Variants in LIMCH1 observed in about 807,000 individuals in gnomAD.
LIMCH1 encodes LIM and calponin homology domains 1.
Under a neutral mutation model 176.5 loss-of-function variants are expected in LIMCH1, and 113 were observed. The observed-to-expected ratio is 0.64, with a 90% CI of 0.55 to 0.75. The LOEUF (loss-of-function observed/expected upper bound fraction) is 0.75. Ranked by LOEUF, LIMCH1 falls within the 30% of genes least tolerant of loss-of-function variation. The probability of loss-of-function intolerance (pLI) is 0.00; values close to 1 mark genes in which losing one functional copy is unlikely to be tolerated. For synonymous variants in LIMCH1, 619 were observed against 645.9 expected (o/e 0.96, Z 0.63); for missense variants, 1,674 against 1,814.9 (o/e 0.92, Z 1.41).
chr4:41,360,363 G>C (rs1383705937), upstream of LIMCH1, among the ~76,000 whole-genome samples: 1 of 151,884 alleles, frequency 6.6e-6, no homozygotes, highest in African/African-American at 2.4e-5. The surrounding 1 kb of genome is among the most constrained non-coding windows in gnomAD (Gnocchi z 4.5). Context: ...CCCCGGGCCC[G>C]GGTGCGCCCC....
intron 1 of LIMCH1, among the ~76,000 whole-genome samples, chr4:41,430,067 G>A (rs2061459006): frequency 6.6e-6 from 1 of 152,126 alleles, no homozygotes; most frequent in Non-Finnish European, 1.5e-5. Context: ...TTGGTGAACA[G>A]CACTAAATTC....
At chr4:41,513,005 C>G (rs531154160) in intron 2 of LIMCH1, among the ~76,000 whole-genome samples, 1 of 152,258 alleles carries the variant, frequency 6.6e-6, no homozygotes, top group Non-Finnish European at 1.5e-5. Flanking sequence ...TTCCAAATAT[C>G]ATTTAGTTCA....
intron 1 of LIMCH1, among the ~76,000 whole-genome samples, chr4:41,584,420 C>T (rs2086078965): frequency 6.6e-6 from 1 of 152,098 alleles, no homozygotes; most frequent in East Asian, 1.9e-4. Context: ...GTTCATCTGG[C>T]TCAGCATTTC....
At chr4:41,602,213 G>A (rs1237580222) in intron 2 of LIMCH1, among the ~76,000 whole-genome samples, 1 of 151,304 alleles carries the variant, frequency 6.6e-6, no homozygotes, top group Non-Finnish European at 1.5e-5. Context: ...TGTAATGGAT[G>A]CCAGACAACC....
At chr4:41,373,771 A>G (rs916448380) in intron 1 of LIMCH1, among the ~76,000 whole-genome samples, 4 of 152,098 alleles carry the variant, frequency 2.6e-5, no homozygotes, top group African/African-American at 7.2e-5. Flanking sequence ...GTTTGGATTT[A>G]TGTCCCTGCC....
At chr4:41,588,672 A>G (rs1426707892) in intron 1 of LIMCH1, among the ~76,000 whole-genome samples, 10 of 152,224 alleles carry the variant, frequency 6.6e-5, no homozygotes, top group Admixed American at 6.5e-4. Context: ...TCTTCAACCA[A>G]GTGGGTTTGC....
Position 41,699,692 on chromosome 4 carries a change from A to G in LIMCH1, c.*2507A>G, listed in dbSNP as rs1278046410. 6.6e-6 allele frequency: 1 copy of G among 152,228 alleles called. No individual in the cohort carries two copies. The highest frequency in any genetic ancestry group is 2.4e-5 in the African/African-American group (1 of 41,462). The allele number at this position is 152,228 out of a possible 1,614,324, so 9.4% of individuals were successfully genotyped here. ...TATCTGATTTTTTTTCTCATACTCC[A>G]AAAGCTAGTCCCTACTCTTTAATAA... On this transcript the variant is annotated 3_prime_UTR_variant, in exon 32 of 32. Transcript: ENST00000503057.
intron 2 of LIMCH1, among the ~76,000 whole-genome samples, chr4:41,500,788 G>C (rs2073126037): frequency 1.3e-5 from 2 of 152,182 alleles, no homozygotes; most frequent in Admixed American, 1.3e-4. Context: ...ACCATCAAGG[G>C]CCTGGTAGTC....
chr4:41,439,874 A>G (rs1341811440), intron 1 of LIMCH1, among the ~76,000 whole-genome samples: 2 of 152,200 alleles, frequency 1.3e-5, no homozygotes, highest in Non-Finnish European at 2.9e-5. Context: ...ATTGTAGTCC[A>G]GCCTGGGCGA....
intron 1 of LIMCH1, among the ~76,000 whole-genome samples, chr4:41,598,174 G>GACCC (rs2089267421): frequency 6.6e-6 from 1 of 152,140 alleles, no homozygotes; most frequent in African/African-American, 2.4e-5. Context: ...CCAAAAGGAT[G>GACCC]ACCCACAATT....
chr4:41,474,826 T>A (rs2067491093), intron 1 of LIMCH1, among the ~76,000 whole-genome samples: 1 of 152,220 alleles, frequency 6.6e-6, no homozygotes, highest in Non-Finnish European at 1.5e-5. Context: ...CCAATGGGCA[T>A]ATACCCAAAG....
At chr4:41,437,564 A>G (rs1226603673) in intron 1 of LIMCH1, among the ~76,000 whole-genome samples, 1 of 152,208 alleles carries the variant, frequency 6.6e-6, no homozygotes, top group East Asian at 1.9e-4. Context: ...TAGCATGGGA[A>G]GGATCCAAAG....
intron 1 of LIMCH1, among the ~76,000 whole-genome samples, chr4:41,374,608 A>C (rs1383490650): frequency 1.3e-5 from 2 of 152,054 alleles, no homozygotes; most frequent in African/African-American, 4.8e-5. Context: ...GGTTGCAAGC[A>C]ACAGAAATCC....
chr4:41,392,961 C>T (rs559326487), intron 1 of LIMCH1, among the ~76,000 whole-genome samples: 8 of 152,008 alleles, frequency 5.3e-5, no homozygotes, highest in East Asian at 1.9e-4. Context: ...ATCTGGGAGG[C>T]GGAGGTTGCA....
At position 41,620,418 on chromosome 4, in the gene LIMCH1, C is replaced by CA; in HGVS notation, c.459-5dup. On this transcript the variant is annotated splice_region_variant and splice_polypyrimidine_tract_variant and intron_variant, in intron 6 of 31. Transcript: ENST00000503057. ...GTTTGGTAAACCATATTGTCCAACT[C>CA]ACTAGCTTTCCTGAAACGATAGAGG... 3 of 1,535,132 alleles carry CA rather than the reference C, an allele frequency of 2.0e-6. No individual in the cohort carries two copies. The highest frequency in any genetic ancestry group is 2.4e-5 in the South Asian group (2 of 83,936).
chr4:41,366,986 A>T (rs753274621), intron 1 of LIMCH1, among the ~76,000 whole-genome samples: 6 of 152,220 alleles, frequency 3.9e-5, no homozygotes, highest in African/African-American at 7.2e-5. Context: ...GGGAAGCAAG[A>T]CAGGTCTCAT....
chr4:41,673,147 T>C (rs2095108053), intron 22 of LIMCH1, among the ~76,000 whole-genome samples: 1 of 152,080 alleles, frequency 6.6e-6, no homozygotes, highest in Non-Finnish European at 1.5e-5. Context: ...ACCCTTGATG[T>C]CCCCAGCCAC....
chr4:41,369,673 A>G (rs368510373), intron 1 of LIMCH1, among the ~76,000 whole-genome samples: 4 of 151,768 alleles, frequency 2.6e-5, no homozygotes, highest in Non-Finnish European at 4.4e-5. Context: ...TACTATCACG[A>G]ATTTTTTTTG....
At chr4:41,501,096 G>T in intron 2 of LIMCH1, among the ~76,000 whole-genome samples, 1 of 152,186 alleles carries the variant, frequency 6.6e-6, no homozygotes, top group East Asian at 1.9e-4. Flanking sequence ...GTTCAGGTAA[G>T]AACTCTGCAC....
Sources: gnomAD v4.1 joint callset for allele counts (sites outside exome capture counted in the v4.1 genomes callset) on GRCh38, gnomAD v4.1.1 for gene constraint, Gnocchi (gnomAD v3.1) non-coding constraint, MANE v1.5 for transcripts, NCBI Gene and HGNC (gene_info 2026-07-23, HGNC 2026-07-21) for gene names.